ATXN1: variants seen among roughly 807,000 people sequenced by gnomAD.
ATXN1 encodes ataxin-1.
A neutral mutation model predicts 56.4 loss-of-function variants in ATXN1; 8 were observed. That is an observed-to-expected ratio of 0.14 (90% confidence interval 0.08 to 0.26). ATXN1 has a LOEUF of 0.26. ATXN1 is among the 10% of genes least tolerant of loss of function. ATXN1 has a pLI of 1.00. For missense variants in ATXN1, 987 were observed against 1,106.5 expected (o/e 0.89, Z 1.53); for synonymous variants, 514 against 494.6 (o/e 1.04, Z -0.52).
chr6:16,630,450 T>C (rs1364403117), intron 3 of ATXN1, among the ~76,000 whole-genome samples: 2 of 152,182 alleles, frequency 1.3e-5, no homozygotes, highest in African/African-American at 4.8e-5. Flanking sequence ...CACAGACATA[T>C]GCTGAGTCAC....
chr6:16,733,109 G>C (rs1760029085), intron 2 of ATXN1, among the ~76,000 whole-genome samples: 1 of 152,188 alleles, frequency 6.6e-6, no homozygotes, highest in South Asian at 2.1e-4. Flanking sequence ...ACCATACCAG[G>C]TATTACTACT....
intron 2 of ATXN1, among the ~76,000 whole-genome samples, chr6:16,689,009 T>A (rs1015985843): frequency 1.3e-5 from 2 of 151,912 alleles, no homozygotes; most frequent in Non-Finnish European, 2.9e-5. Context: ...TATGTGCGCA[T>A]ATGTGTACGT....
Position 16,303,140 on chromosome 6 carries a change from A to AC in ATXN1, c.*3188dup, listed in dbSNP as rs1344801825. The stretch of plus-strand genomic sequence containing the variant: ...AGGGCTCCAAGTCTCAAGGACACAG[A>AC]CCCCGAGGAGGGGCCTGCCCACTTG... On this transcript the variant is annotated 3_prime_UTR_variant, in exon 8 of 8. Transcript: ENST00000436367. The surrounding 1 kb of genome is among the most constrained non-coding windows in gnomAD (Gnocchi z 4.3). 1 of 152,836 alleles carries AC rather than the reference A, an allele frequency of 6.5e-6. No homozygotes were observed. Among genetic ancestry groups the AC allele is most frequent in the Non-Finnish European group, 1.5e-5 (1 of 68,244 alleles). The allele number at this position is 152,836 out of a possible 1,614,324, so 9.5% of individuals were successfully genotyped here. A position where few individuals can be genotyped will look rare whatever the true frequency, so the allele number is the denominator to read the frequency against.
intron 3 of ATXN1, among the ~76,000 whole-genome samples, chr6:16,605,875 C>T (rs1762995453): frequency 6.6e-6 from 1 of 152,110 alleles, no homozygotes; most frequent in Non-Finnish European, 1.5e-5. Context: ...TGCCTATAAT[C>T]CCAGCACTTT....
chr6:16,587,918 C>T (rs893901026), intron 3 of ATXN1, among the ~76,000 whole-genome samples: 48 of 148,932 alleles, frequency 3.2e-4, no homozygotes, highest in African/African-American at 1.0e-3. Context: ...GCATCAACAG[C>T]GGAACTCTGT....
intron 2 of ATXN1, among the ~76,000 whole-genome samples, chr6:16,689,555 A>G (rs942283191): frequency 1.9e-5 from 2 of 102,666 alleles, no homozygotes; most frequent in Admixed American, 1.5e-4. Flanking sequence ...GAGTCTCCCT[A>G]TGTTGCCCAA....
chr6:16,625,389 C>A (rs760883), intron 3 of ATXN1, among the ~76,000 whole-genome samples: 14,963 of 152,202 alleles, frequency 0.098, 899 homozygotes, highest in Non-Finnish European at 0.14. Flanking sequence ...GCAAGGAAGA[C>A]AGGCCATCCT....
At chr6:16,345,251 C>T (rs957660460) in intron 6 of ATXN1, among the ~76,000 whole-genome samples, 2 of 152,186 alleles carry the variant, frequency 1.3e-5, no homozygotes, top group African/African-American at 4.8e-5. Flanking sequence ...AGATTATTAA[C>T]TCCTGTTACT....
At chr6:16,331,101 A>C (rs1561855155) in intron 6 of ATXN1, among the ~76,000 whole-genome samples, 1 of 152,124 alleles carries the variant, frequency 6.6e-6, no homozygotes, top group South Asian at 2.1e-4. Context: ...CCCGGGTTCA[A>C]GCGATTCTCC....
rs530414894 is a variant in ATXN1, at chr6:16,427,166, G to A, written c.-161+58806C>T. On this transcript the variant is annotated intron_variant, in intron 6 of 7. Coordinates refer to ENST00000436367, the MANE Select transcript of ATXN1 (RefSeq NM_001128164.2). Reference sequence around the variant, plus strand: ...GGCAGACATCCCTTCCCAAGCATTCGAATTGTTCTTTTAAGGTTAAGGTAA... The same window carrying A: ...GGCAGACATCCCTTCCCAAGCATTCAAATTGTTCTTTTAAGGTTAAGGTAA... Among the ~76,000 whole-genome samples, 13 of 152,230 alleles carry A rather than the reference G, an allele frequency of 8.5e-5. No individual in the cohort carries two copies. The South Asian group carries it at 1.5e-3, about 17-fold the overall frequency.
At chr6:16,713,752 C>A (rs533822517) in intron 2 of ATXN1, among the ~76,000 whole-genome samples, 1 of 152,354 alleles carries the variant, frequency 6.6e-6, no homozygotes, top group East Asian at 1.9e-4. Context: ...AGGCTCCACC[C>A]TAGAACTATT....
chr6:16,727,641 G>A (rs950392959), intron 2 of ATXN1, among the ~76,000 whole-genome samples: 1 of 152,054 alleles, frequency 6.6e-6, no homozygotes, highest in Non-Finnish European at 1.5e-5. Context: ...CTTCCAAAGT[G>A]CTTAAAAACA....
intron 2 of ATXN1, 104 bp downstream of exon 2, chr6:16,753,129 G>A (rs747858955): frequency 1.8e-5 from 7 of 392,320 alleles, no homozygotes; most frequent in Non-Finnish European, 3.1e-5. Context: ...CAAAGAAAAT[G>A]ATATTCAACA....
At chr6:16,590,191 C>A (rs568576606) in intron 3 of ATXN1, among the ~76,000 whole-genome samples, 9 of 152,044 alleles carry the variant, frequency 5.9e-5, no homozygotes, top group Admixed American at 5.9e-4. Context: ...ATGAATATGC[C>A]ATAAAATGTC....
At chr6:16,346,440 G>A (rs2113450099) in intron 6 of ATXN1, among the ~76,000 whole-genome samples, 1 of 152,324 alleles carries the variant, frequency 6.6e-6, no homozygotes, top group East Asian at 1.9e-4. Context: ...CCTTGGACAT[G>A]CAGTGGAAGA....
rs180774896 is a variant in ATXN1 at position 16,568,300 on chromosome 6, G to A, written c.-361+17480C>T. ...AGAGAGTATTAAATTTTAAGAGAGA[G>A]GCTATCATCAAAACGAAGGCAGAGA... On this transcript the variant is annotated intron_variant, in intron 4 of 7. Transcript: ENST00000436367. Among the ~76,000 whole-genome samples the A allele has an allele frequency of 1.3e-3, 196 of 147,980 alleles. 1 individual carries two copies. Among genetic ancestry groups the A allele is most frequent in the African/African-American group, 5.0e-3 (186 of 37,562 alleles).
intron 3 of ATXN1, among the ~76,000 whole-genome samples, chr6:16,591,407 A>G (rs1397451436): frequency 6.6e-6 from 1 of 152,200 alleles, no homozygotes; most frequent in East Asian, 1.9e-4. Flanking sequence ...CAAAACCAAA[A>G]AAGTCTTAAT....
intron 5 of ATXN1, among the ~76,000 whole-genome samples, chr6:16,515,352 C>T (rs187827803): frequency 2.6e-5 from 4 of 152,220 alleles, no homozygotes; most frequent in African/African-American, 7.2e-5. Context: ...TGACTGCCAA[C>T]CCCCAGTTCA....
chr6:16,758,701 T>C (rs1760962703), intron 1 of ATXN1, among the ~76,000 whole-genome samples: 1 of 152,188 alleles, frequency 6.6e-6, no homozygotes, highest in Non-Finnish European at 1.5e-5. Context: ...TCTAATTACA[T>C]GAGTGATCAG....
Sources: allele counts gnomAD v4.1 joint callset (sites outside exome capture counted in the v4.1 genomes callset), GRCh38; gene constraint gnomAD v4.1.1; non-coding constraint Gnocchi (gnomAD v3.1); transcripts MANE v1.5; gene names NCBI Gene and HGNC (gene_info 2026-07-23, HGNC 2026-07-21).